The following LINGO2 variants were observed in gnomAD, a reference collection of about 807,000 sequenced individuals.
The protein encoded by LINGO2 is leucine rich repeat and Ig domain containing 2, also known as leucine-rich repeat and immunoglobulin-like domain-containing nogo receptor-interacting protein 2.
LINGO2 carries 14 observed loss-of-function variants against 30.6 expected under a neutral mutation model. The observed-to-expected ratio is 0.46, with a 90% CI of 0.30 to 0.72. LINGO2 has a LOEUF of 0.72. Ranked by LOEUF, LINGO2 falls within the 30% of genes least tolerant of loss-of-function variation. The probability of loss-of-function intolerance (pLI) is 0.07; values close to 1 mark genes in which losing one functional copy is unlikely to be tolerated. For missense variants in LINGO2, 729 were observed against 751.7 expected (o/e 0.97, Z 0.35); for synonymous variants, 317 against 288.5 (o/e 1.10, Z -1.00).
chr9:28,981,983 A>G, the LINGO2 span, among the ~76,000 whole-genome samples: 1 of 152,268 alleles, frequency 6.6e-6, no homozygotes, highest in Admixed American at 6.5e-5. Context: ...GTGTTACAGC[A>G]GAGAAATAGA....
chr9:28,481,842 C>A (rs976910425), intron 1 of LINGO2, among the ~76,000 whole-genome samples: 2 of 143,160 alleles, frequency 1.4e-5, no homozygotes, highest in African/African-American at 2.6e-5. Context: ...TCTCATTGTT[C>A]AGTTCCCACC....
chr9:28,013,393 G>T (rs1216927693), intron 4 of LINGO2, among the ~76,000 whole-genome samples: 1 of 152,172 alleles, frequency 6.6e-6, no homozygotes, highest in South Asian at 2.1e-4. Flanking sequence ...AAAGGAATCT[G>T]CTTATCTGCT....
At chr9:28,684,041 A>G in the LINGO2 span, among the ~76,000 whole-genome samples, 1 of 152,098 alleles carries the variant, frequency 6.6e-6, no homozygotes, top group Non-Finnish European at 1.5e-5. Context: ...AAAAATTTCA[A>G]AAGCAATATT....
chr9:28,325,251 T>C (rs1825187590), intron 3 of LINGO2, among the ~76,000 whole-genome samples: 1 of 152,130 alleles, frequency 6.6e-6, no homozygotes, highest in African/African-American at 2.4e-5. Flanking sequence ...TATCCTCCCC[T>C]TTAAGACATA....
At chr9:28,010,218 A>G (rs1006510873) in intron 5 of LINGO2, among the ~76,000 whole-genome samples, 1 of 152,248 alleles carries the variant, frequency 6.6e-6, no homozygotes, top group Non-Finnish European at 1.5e-5. Flanking sequence ...AAAACCACTG[A>G]ATTGTATACC....
intron 1 of LINGO2, among the ~76,000 whole-genome samples, chr9:28,504,510 T>A (rs1820023338): frequency 6.6e-6 from 1 of 151,806 alleles, no homozygotes; most frequent in Admixed American, 6.6e-5. Flanking sequence ...CTGTGCTGTG[T>A]TTTCACTGGC....
At chr9:28,040,917 G>A (rs902696377) in intron 4 of LINGO2, among the ~76,000 whole-genome samples, 1 of 152,140 alleles carries the variant, frequency 6.6e-6, no homozygotes, top group Non-Finnish European at 1.5e-5. Context: ...TAGAGGTAGA[G>A]GAATTGACCT....
intron 4 of LINGO2, among the ~76,000 whole-genome samples, chr9:28,067,120 C>A (rs1242932130): frequency 6.6e-6 from 1 of 152,036 alleles, no homozygotes; most frequent in Admixed American, 6.6e-5. Context: ...TCAAAATATT[C>A]AGGGTCACAT....
the LINGO2 span, among the ~76,000 whole-genome samples, chr9:29,095,556 T>C: frequency 7.2e-6 from 1 of 138,876 alleles, no homozygotes; most frequent in Non-Finnish European, 1.6e-5. Flanking sequence ...ACCAATATTT[T>C]GAAAGAACCA....
At chr9:28,441,033 T>G (rs1824170212) in intron 2 of LINGO2, among the ~76,000 whole-genome samples, 1 of 152,094 alleles carries the variant, frequency 6.6e-6, no homozygotes, top group Non-Finnish European at 1.5e-5. Flanking sequence ...GATATTTATA[T>G]CAAGAGAAAT....
intron 4 of LINGO2, among the ~76,000 whole-genome samples, chr9:28,183,612 C>G (rs1374711196): frequency 6.6e-6 from 1 of 152,050 alleles, no homozygotes; most frequent in African/African-American, 2.4e-5. Context: ...GCAGAGCCCT[C>G]ATAGGGGGTC....
chr9:28,836,366 G>C, the LINGO2 span, among the ~76,000 whole-genome samples: 3 of 152,252 alleles, frequency 2.0e-5, no homozygotes, highest in South Asian at 6.2e-4. Context: ...CCAGGCTGGA[G>C]TGCAATGGGG....
the LINGO2 span, among the ~76,000 whole-genome samples, chr9:29,064,414 G>A: frequency 6.6e-6 from 1 of 151,922 alleles, no homozygotes; most frequent in Non-Finnish European, 1.5e-5. Context: ...ACTCTTATAT[G>A]ATTAATGGTT....
At chr9:28,975,730 T>C in the LINGO2 span, among the ~76,000 whole-genome samples, 2 of 152,170 alleles carry the variant, frequency 1.3e-5, no homozygotes, top group African/African-American at 4.8e-5. Flanking sequence ...TTGGCTAGCA[T>C]TGTCACCCTG....
intron 1 of LINGO2, among the ~76,000 whole-genome samples, chr9:28,586,566 T>C (rs1035192236): frequency 6.6e-6 from 1 of 152,064 alleles, no homozygotes; most frequent in Non-Finnish European, 1.5e-5. Context: ...AATAATATTG[T>C]CATATTTCTC....
At chr9:28,718,597 C>G in the LINGO2 span, among the ~76,000 whole-genome samples, 1 of 151,990 alleles carries the variant, frequency 6.6e-6, no homozygotes, top group Admixed American at 6.6e-5. Flanking sequence ...TTAAAATTCT[C>G]TCATCCAGTA....
At chr9:28,772,906 C>A in the LINGO2 span, among the ~76,000 whole-genome samples, 1 of 152,196 alleles carries the variant, frequency 6.6e-6, no homozygotes, top group Non-Finnish European at 1.5e-5. Context: ...TTGTCCACAA[C>A]AGCACATCAC....
the LINGO2 span, among the ~76,000 whole-genome samples, chr9:29,170,225 T>C: frequency 1.3e-5 from 2 of 152,040 alleles, no homozygotes; most frequent in Non-Finnish European, 1.5e-5. Flanking sequence ...GGACTGGATT[T>C]AAAAATGTTG....
At chr9:28,364,346 T>C (rs1820576981) in intron 3 of LINGO2, among the ~76,000 whole-genome samples, 2 of 152,132 alleles carry the variant, frequency 1.3e-5, no homozygotes, top group African/African-American at 4.8e-5. Flanking sequence ...GCTTTAGTTT[T>C]TTTTTTTTCT....
Sources: allele counts gnomAD v4.1 joint callset (sites outside exome capture counted in the v4.1 genomes callset), GRCh38; gene constraint gnomAD v4.1.1; transcripts MANE v1.5; gene names NCBI Gene and HGNC (gene_info 2026-07-23, HGNC 2026-07-21).